The following FBH1 variants were observed in gnomAD, a reference collection of about 807,000 sequenced individuals.
The protein encoded by FBH1 is DNA 3'-5' helicase 1.
FBH1 carries 43 observed loss-of-function variants against 115.5 expected under a neutral mutation model. That is an observed-to-expected ratio of 0.37 (90% CI 0.29 to 0.48). The LOEUF (loss-of-function observed/expected upper bound fraction) is 0.48. Among genes scored for constraint, FBH1 ranks in the 20% least tolerant of loss-of-function variants. The probability of loss-of-function intolerance (pLI) is 0.99; values close to 1 mark genes in which losing one functional copy is unlikely to be tolerated. For missense variants in FBH1, 1,001 were observed against 1,337.3 expected, an observed-to-expected ratio of 0.75 and a Z score of 3.92; for synonymous variants, 524 against 507.8, an observed-to-expected ratio of 1.03 and a Z score of -0.43.
In FBH1 at chr10:5,915,296, T is replaced by G. The variant is rs1487369955; in HGVS notation, c.1397-107T>G. On this transcript the variant is annotated intron_variant, in intron 8 of 20. Transcript: ENST00000362091. The surrounding 1 kb of genome is among the most constrained non-coding windows in gnomAD (Gnocchi z 5.2). ...AGCACTGAAAAACTTGTTACTGTCC[T>G]GCTCTCAAGACAGAGGTGTGATAAG... 8.4e-7 allele frequency: 1 copy of G among 1,184,258 alleles called. No homozygotes were observed. The allele number at this position is 1,184,258 out of a possible 1,614,324, so 73.4% of individuals were successfully genotyped here.
rs1403793581 is a variant in FBH1 at position 5,917,812 on chromosome 10, G to C, written c.1963+136G>C. 1.6e-5 allele frequency: 12 copies of C among 763,410 alleles called. No individual in the cohort carries two copies. Among genetic ancestry groups the C allele is most frequent in the Admixed American group, 4.8e-5 (2 of 41,738 alleles). The allele number at this position is 763,410 out of a possible 1,614,324, so 47.3% of individuals were successfully genotyped here. A position where few individuals can be genotyped will look rare whatever the true frequency, so the allele number is the denominator to read the frequency against. On this transcript the variant is annotated intron_variant, in intron 12 of 20. Transcript: ENST00000362091. This position sits in a 1 kb window ranked among gnomAD's most constrained non-coding sequence, Gnocchi z 5.6. ...AAGAGGATCTTCATACTTACCTTAG[G>C]ATTTCAAGCTGCCCCTTCCCCTCAC...
At chr10:5,890,054 A>G (rs927787510), upstream of FBH1, 3 of 287,014 alleles carry the variant, frequency 1.0e-5, no homozygotes, top group African/African-American at 2.2e-5. Flanking sequence ...GTGGCCCGGT[A>G]GCTGTGGCCG....
At position 5,926,934 on chromosome 10, in the gene FBH1, C is replaced by T. The variant is rs74116614; in HGVS notation, c.2723-501C>T. Among the ~76,000 whole-genome samples the T allele has an allele frequency of 8.6e-3, 1,311 of 152,290 alleles. 19 individuals are homozygous for T. Among genetic ancestry groups the T allele is most frequent in the East Asian group, 0.047 (246 of 5,184 alleles). ...AGCACATAGCACACCTGTGTGTCTT[C>T]CTTGTTGTCCTGTGACAGTGTCAGG... On this transcript the variant is annotated intron_variant, in intron 18 of 20. Transcript: ENST00000362091.
At chr10:5,920,605 C>G (rs376059318) in intron 13 of FBH1, among the ~76,000 whole-genome samples, 2 of 152,300 alleles carry the variant, frequency 1.3e-5, no homozygotes, top group South Asian at 2.1e-4. Context: ...ATGGTTCACT[C>G]AGAGTAGTTT....
intron 1 of FBH1, among the ~76,000 whole-genome samples, chr10:5,896,821 A>T (rs1162208611): frequency 6.6e-6 from 1 of 152,122 alleles, no homozygotes; most frequent in Non-Finnish European, 1.5e-5. Flanking sequence ...CTAACAGTAA[A>T]TGCCCTTTAC....
chr10:5,891,196 G>C lies in FBH1; in HGVS notation c.1+850G>C, dbSNP rs1703584727. On this transcript the variant is annotated intron_variant, in intron 1 of 20. Coordinates refer to ENST00000362091, the MANE Select transcript of FBH1 (RefSeq NM_178150.3). ...GTCTGCCGCTGTGGTAAAATGAGCGGAGATAAATGAAAAGACTTCTGGAAT... is the reference window on the plus strand; with the variant it reads ...GTCTGCCGCTGTGGTAAAATGAGCGCAGATAAATGAAAAGACTTCTGGAAT... 8 of 985,628 alleles carry C rather than the reference G, an allele frequency of 8.1e-6. No homozygotes were observed. The South Asian group carries it at 2.8e-4, about 35-fold the overall frequency. 61.1% of individuals were successfully genotyped at this position (985,628 alleles called of 1,614,324 possible). A position where few individuals can be genotyped will look rare whatever the true frequency, so the allele number is the denominator to read the frequency against.
chr10:5,894,541 A>G (rs763195377), intron 1 of FBH1: 1 of 821,434 alleles, frequency 1.2e-6, no homozygotes, highest in Non-Finnish European at 2.2e-6. Flanking sequence ...CAGCTTAATC[A>G]TGGCACAATT....
Position 5,914,468 on chromosome 10 carries a change from G to A in FBH1, c.1396+199G>A, listed in dbSNP as rs1429875370. 6.6e-6 allele frequency among the ~76,000 whole-genome samples: 1 copy of A among 152,234 alleles called. No homozygotes were observed. Among genetic ancestry groups the A allele is most frequent in the Non-Finnish European group, 1.5e-5 (1 of 68,038 alleles). On this transcript the variant is annotated intron_variant, in intron 8 of 20. Coordinates refer to ENST00000362091, the MANE Select transcript of FBH1 (RefSeq NM_178150.3). The surrounding 1 kb of genome is among the most constrained non-coding windows in gnomAD (Gnocchi z 5.2). The stretch of plus-strand genomic sequence containing the variant: ...CCGGACCACTCCATGAACATCCACA[G>A]AATTCCTGTTGAGACAGGTAGTTCA...
At chr10:5,907,392 T>G (rs1843765354) in intron 3 of FBH1, among the ~76,000 whole-genome samples, 1 of 152,150 alleles carries the variant, frequency 6.6e-6, no homozygotes, top group Non-Finnish European at 1.5e-5. Context: ...TTCATTTGTC[T>G]CAAGATATTT....
In FBH1 at chr10:5,913,856, G is replaced by A. The variant is rs747451914; in HGVS notation, c.1304+17G>A. On this transcript the variant is annotated intron_variant, in intron 7 of 20. Transcript: ENST00000362091. This position sits in a 1 kb window ranked among gnomAD's most constrained non-coding sequence, Gnocchi z 4.4. ...CTGGCCAGGGTATGTGTATATGTGC[G>A]TCAGCGTGTGTTTTGTCTTCTGTCG... The A allele has an allele frequency of 5.5e-5, 86 of 1,563,590 alleles. No individual in the cohort carries two copies. Among genetic ancestry groups the A allele is most frequent in the Middle Eastern group, 3.4e-4 (2 of 5,958 alleles).
Position 5,927,493 on chromosome 10 carries a change from G to C in FBH1, c.2781G>C (p.Lys927Asn). Residue 927 changes from lysine to asparagine, a missense_variant, in exon 19 of 21, where the codon AAG (lysine) becomes AAC (asparagine). Physicochemically the swap from Lys to Asn is moderately conservative, Grantham distance 94. This residue lies in a region of FBH1 where 521 missense variants were observed against 811.0 expected (regional missense o/e 0.64). Coordinates refer to ENST00000362091, the MANE Select transcript of FBH1 (RefSeq NM_178150.3). Reference sequence around the variant, plus strand: ...ATGTTGCAGTAACTCGAGCCAAGAAGCGTCTCATCATGACCAAATCATTGG... The same window carrying C: ...ATGTTGCAGTAACTCGAGCCAAGAACCGTCTCATCATGACCAAATCATTGG... ...LLYVAVTRAK[K>N]RLIMTKSLEN... The C allele has an allele frequency of 6.2e-7, 1 of 1,613,922 alleles. No individual in the cohort carries two copies. Among genetic ancestry groups the C allele is most frequent in the South Asian group, 1.1e-5 (1 of 91,006 alleles).
intron 1 of FBH1, among the ~76,000 whole-genome samples, chr10:5,891,513 CT>C (rs1271085619): frequency 2.0e-5 from 3 of 152,246 alleles, no homozygotes; most frequent in Non-Finnish European, 2.9e-5. Context: ...ACCCCTGCCC[CT>C]CTCCCAGTTT....
intron 1 of FBH1, among the ~76,000 whole-genome samples, chr10:5,901,172 ATTC>A (rs1343320519): frequency 6.6e-6 from 1 of 152,106 alleles, no homozygotes; most frequent in East Asian, 1.9e-4. Context: ...GTGGTGGAGT[ATTC>A]TTTATTTTCT....
At chr10:5,891,597 C>A (rs1033971230) in intron 1 of FBH1, among the ~76,000 whole-genome samples, 8 of 152,154 alleles carry the variant, frequency 5.3e-5, no homozygotes, top group Admixed American at 4.6e-4. Flanking sequence ...CACACGGGTT[C>A]ACAGTAGGTT....
Position 5,923,611 on chromosome 10 carries a change from A to T in FBH1, c.2323-10A>T. On this transcript the variant is annotated splice_polypyrimidine_tract_variant and intron_variant, in intron 15 of 20. Coordinates refer to ENST00000362091, the MANE Select transcript of FBH1 (RefSeq NM_178150.3). The surrounding 1 kb of genome is among the most constrained non-coding windows in gnomAD (Gnocchi z 5.7). ...AAAAAAACAAAAATCCCACCAAAAA[A>T]CTTTTTCAGGGGATTAAATCATTTG... The T allele has an allele frequency of 6.2e-7, 1 of 1,604,790 alleles. No homozygotes were observed. Among genetic ancestry groups the T allele is most frequent in the South Asian group, 1.1e-5 (1 of 88,394 alleles).
intron 1 of FBH1, among the ~76,000 whole-genome samples, chr10:5,890,552 G>A (rs968458310): frequency 8.0e-5 from 12 of 150,198 alleles, no homozygotes; most frequent in Admixed American, 6.6e-4. Flanking sequence ...GGGGGTGCGC[G>A]GGGGAGGCCA....
chr10:5,924,863 G>C lies in FBH1; in HGVS notation c.2596+355G>C. The C allele has an allele frequency of 2.5e-6, 1 of 402,634 alleles. No individual in the cohort carries two copies. Among genetic ancestry groups the C allele is most frequent in the African/African-American group, 2.1e-5 (1 of 48,746 alleles). The allele number at this position is 402,634 out of a possible 1,614,324, so 24.9% of individuals were successfully genotyped here. On this transcript the variant is annotated intron_variant, in intron 17 of 20. Coordinates refer to ENST00000362091, the MANE Select transcript of FBH1 (RefSeq NM_178150.3). The surrounding 1 kb of genome is among the most constrained non-coding windows in gnomAD (Gnocchi z 6.2). ...TTACAGGCGTGAGCCACTGCGCCCA[G>C]CCTCTTCTGCTGTTTCTTCCCTGTG...
chr10:5,903,859 C>T (rs894130450), intron 2 of FBH1, among the ~76,000 whole-genome samples: 10 of 152,214 alleles, frequency 6.6e-5, no homozygotes, highest in African/African-American at 2.2e-4. Context: ...AATATTCCTT[C>T]ATCCTGAGCT....
rs933561596 is a variant in FBH1, at chr10:5,906,902, C to T, written c.753+270C>T. On this transcript the variant is annotated intron_variant, in intron 3 of 20. Transcript: ENST00000362091. The surrounding 1 kb of genome is among the most constrained non-coding windows in gnomAD (Gnocchi z 7.3). ...CACAGACTGCACATTCCTTCCCCTC[C>T]CTGGGTTGCTCTCATCCTCCCACCT... Among the ~76,000 whole-genome samples, 1 of 152,168 alleles carries T rather than the reference C, an allele frequency of 6.6e-6. No homozygotes were observed. The highest frequency in any genetic ancestry group is 2.1e-4 in the South Asian group (1 of 4,834).
Sources: allele counts gnomAD v4.1 joint callset (sites outside exome capture counted in the v4.1 genomes callset), GRCh38; gene constraint gnomAD v4.1.1; regional missense constraint gnomAD v4.1.1; non-coding constraint Gnocchi (gnomAD v3.1); transcripts MANE v1.5; gene names NCBI Gene and HGNC (gene_info 2026-07-23, HGNC 2026-07-21).